The following ANO2 variants were observed in gnomAD, a reference collection of about 807,000 sequenced individuals.
The protein encoded by ANO2 is anoctamin 2, also known as anoctamin-2.
In ANO2, 101 loss-of-function variants were observed where a neutral mutation model predicts 124.2. That is an observed-to-expected ratio of 0.81 (90% confidence interval 0.69 to 0.96). The LOEUF (loss-of-function observed/expected upper bound fraction) is 0.96, where lower values mean the gene tolerates loss of function less well. Among genes scored for constraint, ANO2 ranks in the 40% least tolerant of loss-of-function variants. The pLI is 0.00. For missense variants in ANO2, 1,293 were observed against 1,274.5 expected (o/e 1.01, Z -0.22); for synonymous variants, 486 against 482.5 (o/e 1.01, Z -0.09).
At chr12:5,938,431 T>A (rs1942747914) in intron 1 of ANO2, among the ~76,000 whole-genome samples, 1 of 152,226 alleles carries the variant, frequency 6.6e-6, no homozygotes, top group Non-Finnish European at 1.5e-5. Flanking sequence ...AGAATGTCTA[T>A]CCCAGGACCA....
At chr12:5,827,317 C>A (rs1953985272) in intron 7 of ANO2, among the ~76,000 whole-genome samples, 1 of 152,134 alleles carries the variant, frequency 6.6e-6, no homozygotes. Context: ...ACTCAGCTAT[C>A]ACGTGCTGTG....
chr12:5,908,541 C>T lies in ANO2; in HGVS notation c.534+12499G>A, dbSNP rs1385653541. On this transcript the variant is annotated intron_variant, in intron 3 of 24. Transcript: ENST00000682330. The surrounding 1 kb of genome is among the most constrained non-coding windows in gnomAD (Gnocchi z 4.7). Reference sequence around the variant, plus strand: ...GTTTGCAGTAGCCGAGACTCCCAACCCAGTGATGCTCAAGGAATGGTAAAC... The same window carrying T: ...GTTTGCAGTAGCCGAGACTCCCAACTCAGTGATGCTCAAGGAATGGTAAAC... 1.3e-5 allele frequency among the ~76,000 whole-genome samples: 2 copies of T among 152,172 alleles called. No individual in the cohort carries two copies. The highest frequency in any genetic ancestry group is 1.3e-4 in the Admixed American group (2 of 15,276).
At chr12:5,735,771 G>A (rs1437953296) in intron 13 of ANO2, among the ~76,000 whole-genome samples, 1 of 152,206 alleles carries the variant, frequency 6.6e-6, no homozygotes, top group Non-Finnish European at 1.5e-5. Context: ...GAGACAGAAT[G>A]AAGGCCTGGG....
In ANO2 at chr12:5,744,145, A is replaced by G; in HGVS notation, c.1351+12T>C. 1 of 1,613,184 alleles carries G rather than the reference A, an allele frequency of 6.2e-7. No homozygotes were observed. The highest frequency in any genetic ancestry group is 8.5e-7 in the Non-Finnish European group (1 of 1,179,822). ...ACCACCCATATAAGCAAGCCTGGTG[A>G]TGGCCACATACCCCACAGAGCCATG... On this transcript the variant is annotated intron_variant, in intron 12 of 24. Transcript: ENST00000682330.
intron 16 of ANO2, among the ~76,000 whole-genome samples, 189 bp downstream of exon 16, chr12:5,634,963 C>T (rs1196822479): frequency 2.0e-5 from 3 of 152,184 alleles, no homozygotes; most frequent in African/African-American, 4.8e-5. Flanking sequence ...GAAGGATTCC[C>T]GCCTTTAGAG....
chr12:5,634,847 T>A (rs1026381533), intron 16 of ANO2, among the ~76,000 whole-genome samples: 9 of 152,198 alleles, frequency 5.9e-5, no homozygotes, highest in African/African-American at 2.2e-4. Context: ...CTTCCCAGGT[T>A]AGGCTAAAAA....
chr12:5,729,688 C>CA (rs57244014), intron 14 of ANO2, among the ~76,000 whole-genome samples: 62,337 of 145,224 alleles, frequency 0.43, 13,705 homozygotes, highest in African/African-American at 0.57. Flanking sequence ...AAGCATACGG[C>CA]AAAAAAAAAA....
chr12:5,689,098 G>GA (rs1302844973), intron 14 of ANO2, among the ~76,000 whole-genome samples: 14 of 151,850 alleles, frequency 9.2e-5, no homozygotes, highest in Admixed American at 5.9e-4. Flanking sequence ...GAGATTTGAG[G>GA]AAAAAAACAA....
At chr12:5,913,868 AC>A (rs1294294235) in intron 3 of ANO2, among the ~76,000 whole-genome samples, 2 of 152,226 alleles carry the variant, frequency 1.3e-5, no homozygotes, top group African/African-American at 4.8e-5. Flanking sequence ...TCTGAAAGTC[AC>A]CCCGACCTCT....
intron 10 of ANO2, among the ~76,000 whole-genome samples, chr12:5,755,351 A>ATT (rs892309862): frequency 6.7e-6 from 1 of 149,880 alleles, no homozygotes; most frequent in East Asian, 1.9e-4. Context: ...TGAGAATTCA[A>ATT]TTTTTTTCTT....
intron 10 of ANO2, among the ~76,000 whole-genome samples, chr12:5,760,269 T>C (rs1951699192): frequency 6.6e-6 from 1 of 152,150 alleles, no homozygotes; most frequent in Admixed American, 6.5e-5. Flanking sequence ...AAAAGCAATT[T>C]CCCCTTAGAT....
intron 6 of ANO2, 34 bp downstream of exon 6, chr12:5,830,401 C>T (rs770213283): frequency 1.9e-5 from 31 of 1,604,498 alleles, no homozygotes; most frequent in Non-Finnish European, 2.6e-5. Flanking sequence ...CTTTCCCCAT[C>T]CTCTTTCCTA....
At position 5,832,587 on chromosome 12, in the gene ANO2, G is replaced by A. The variant is rs1451448656; in HGVS notation, c.650C>T (p.Ala217Val). The change falls in exon 5 of 25, where the codon GCA (alanine) becomes GTA (valine). Residue 217 changes from alanine (A) to valine (V), a missense_variant. By Grantham distance (64) the Ala-to-Val change is moderately conservative. Transcript: ENST00000682330. ...GAACTTCTTTGCAATGCTGCCTCCT[G>A]CTTTGATCTCGTACATCTATGAAAG... Reference protein sequence around the residue: ...VPTKKMYEIKAGGSIAKKFSA... With the variant: ...VPTKKMYEIKVGGSIAKKFSA... The A allele has an allele frequency of 1.2e-5, 19 of 1,613,206 alleles. No homozygotes were observed. The highest frequency in any genetic ancestry group is 1.5e-5 in the Non-Finnish European group (18 of 1,179,624).
intron 14 of ANO2, among the ~76,000 whole-genome samples, chr12:5,682,925 T>C (rs1486746346): frequency 1.3e-5 from 2 of 152,088 alleles, no homozygotes; most frequent in Non-Finnish European, 2.9e-5. Context: ...TGATGCTGAG[T>C]TGTTCTTTTC....
chr12:5,578,594 C>G, intron 20 of ANO2, 76 bp from the exon 21 acceptor site: 1 of 1,455,434 alleles, frequency 6.9e-7, no homozygotes, highest in Non-Finnish European at 9.2e-7. Context: ...CAGCTACAGC[C>G]CCTTGTCCTT....
rs1043726117 is a variant in ANO2, at chr12:5,739,374, C to T, written c.1377G>A (p.Lys459=). 1.2e-6 allele frequency: 2 copies of T among 1,606,272 alleles called. No homozygotes were observed. The highest frequency in any genetic ancestry group is 2.7e-5 in the African/African-American group (2 of 74,840). Residue 459 remains lysine (K), a synonymous_variant, in exon 13 of 25, where the codon AAG becomes AAA. Transcript: ENST00000682330. The part of the protein sequence containing the change: ...LWATMFLENW[K]RLQMRLGYFW... ...AGTAGCCCAGTCGCATCTGTAGCCTCTTCCAGTTTTCCAGGAACATGGTAG... is the reference window on the plus strand; with the variant it reads ...AGTAGCCCAGTCGCATCTGTAGCCTTTTCCAGTTTTCCAGGAACATGGTAG...
chr12:5,932,418 GACT>G (rs1457313203), intron 1 of ANO2, among the ~76,000 whole-genome samples: 99 of 147,682 alleles, frequency 6.7e-4, no homozygotes, highest in African/African-American at 1.9e-3. Flanking sequence ...AAGGAAGGAA[GACT>G]GGTAAGAAAG....
chr12:5,780,033 T>C (rs1387654541), intron 10 of ANO2, among the ~76,000 whole-genome samples: 1 of 152,234 alleles, frequency 6.6e-6, no homozygotes, highest in Non-Finnish European at 1.5e-5. Flanking sequence ...ATTGTATCAA[T>C]GTTAAACTTC....
chr12:5,815,382 C>A (rs1953574074), intron 7 of ANO2, among the ~76,000 whole-genome samples: 2 of 152,132 alleles, frequency 1.3e-5, no homozygotes, highest in African/African-American at 4.8e-5. Context: ...TTTGATAATT[C>A]TTGAGAGAAC....
Sources: gnomAD v4.1 joint callset for allele counts (sites outside exome capture counted in the v4.1 genomes callset) on GRCh38, gnomAD v4.1.1 for gene constraint, Gnocchi (gnomAD v3.1) non-coding constraint, MANE v1.5 for transcripts, NCBI Gene and HGNC (gene_info 2026-07-23, HGNC 2026-07-21) for gene names.